Variants in ACOXL observed in about 807,000 individuals in gnomAD.
ACOXL encodes the protein acyl-coenzyme A oxidase-like protein.
ACOXL carries 70 observed loss-of-function variants against 71.9 expected under a neutral mutation model. That is an observed-to-expected ratio of 0.97 (90% CI 0.80 to 1.19). ACOXL has a LOEUF of 1.19. ACOXL is among the 50% of genes most tolerant of loss of function. ACOXL has a pLI of 0.00. For missense variants in ACOXL, 703 were observed against 736.3 expected (o/e 0.95, Z 0.52); for synonymous variants, 253 against 281.6 (o/e 0.90, Z 1.02).
In ACOXL at chr2:111,058,411, A is replaced by G. The variant is rs138694454; in HGVS notation, c.1440+9123A>G. 5.9e-3 allele frequency among the ~76,000 whole-genome samples: 904 copies of G among 152,306 alleles called. 1 individual carries two copies. Among genetic ancestry groups the G allele is most frequent in the Non-Finnish European group, 9.2e-3 (629 of 68,020 alleles). ...TCAGCACACAGTGAGGGGGATGTAA[A>G]CACTAAAGTTATATGGGAAGTCACG... On this transcript the variant is annotated intron_variant, in intron 16 of 17. Transcript: ENST00000439055.
chr2:110,953,948 C>T (rs968077574), intron 12 of ACOXL, among the ~76,000 whole-genome samples: 9 of 152,178 alleles, frequency 5.9e-5, no homozygotes, highest in African/African-American at 2.2e-4. Flanking sequence ...CCCACCAGAC[C>T]GCTGCTCCAG....
Position 110,764,785 on chromosome 2 carries a change from A to G in ACOXL, c.-22-3583A>G, listed in dbSNP as rs191178496. On this transcript the variant is annotated intron_variant, in intron 1 of 17. Transcript: ENST00000439055. Reference sequence around the variant, plus strand: ...GGGAAATCTCTGTATCTTTTAATCAATTTTGCAGTGGGCCTAAAACTGCTC... The same window carrying G: ...GGGAAATCTCTGTATCTTTTAATCAGTTTTGCAGTGGGCCTAAAACTGCTC... 1.3e-3 allele frequency among the ~76,000 whole-genome samples: 197 copies of G among 152,292 alleles called. 3 individuals are homozygous for G. Among genetic ancestry groups the G allele is most frequent in the African/African-American group, 3.6e-3 (151 of 41,564 alleles).
intron 10 of ACOXL, among the ~76,000 whole-genome samples, chr2:110,866,079 G>A (rs1443073338): frequency 2.0e-5 from 3 of 152,182 alleles, no homozygotes; most frequent in African/African-American, 4.8e-5. Flanking sequence ...TTCGGAAGGC[G>A]GGGAGGTCAG....
At chr2:110,894,332 CAAA>C (rs11403220) in intron 10 of ACOXL, among the ~76,000 whole-genome samples, 3 of 120,600 alleles carry the variant, frequency 2.5e-5, no homozygotes, top group East Asian at 2.4e-4. Flanking sequence ...AGGAACAGAC[CAAA>C]AAAAAAAAAA....
chr2:111,024,595 G>GT (rs1315204362), intron 14 of ACOXL, among the ~76,000 whole-genome samples: 1 of 152,158 alleles, frequency 6.6e-6, no homozygotes, highest in Non-Finnish European at 1.5e-5. Context: ...TAGGATTGTG[G>GT]TAAGGAGTTA....
chr2:111,049,627 C>G (rs889176673), intron 16 of ACOXL, among the ~76,000 whole-genome samples: 1 of 152,166 alleles, frequency 6.6e-6, no homozygotes, highest in Admixed American at 6.5e-5. Flanking sequence ...ACATCTCCCA[C>G]TATATTTTTA....
intron 16 of ACOXL, among the ~76,000 whole-genome samples, chr2:111,076,147 G>T (rs1258814767): frequency 1.3e-5 from 2 of 152,092 alleles, no homozygotes; most frequent in Admixed American, 1.3e-4. Context: ...TCAGCATTCT[G>T]TCTATCGACT....
intron 15 of ACOXL, among the ~76,000 whole-genome samples, chr2:111,036,323 TGAGGGAGGGAGGAAGG>T: frequency 6.6e-6 from 1 of 152,098 alleles, no homozygotes; most frequent in South Asian, 2.1e-4. Context: ...ACAAGTGGCC[TGAGGGAGGGAGGAAGG>T]GAGGGAGGTA....
At chr2:110,833,811 A>G (rs1044994012) in intron 9 of ACOXL, among the ~76,000 whole-genome samples, 2 of 152,124 alleles carry the variant, frequency 1.3e-5, no homozygotes, top group Non-Finnish European at 2.9e-5. Flanking sequence ...TAAGAATTTG[A>G]TCGAGGAAAA....
chr2:111,069,148 T>TC (rs1336779630), intron 16 of ACOXL, among the ~76,000 whole-genome samples: 9 of 150,310 alleles, frequency 6.0e-5, no homozygotes, highest in Non-Finnish European at 8.9e-5. Flanking sequence ...TCTTTTTCTT[T>TC]TTTTTTTTTT....
chr2:110,958,135 G>T (rs569785618), intron 12 of ACOXL, among the ~76,000 whole-genome samples: 1 of 150,902 alleles, frequency 6.6e-6, no homozygotes, highest in Non-Finnish European at 1.5e-5. Context: ...GCATACACAC[G>T]CACACACACA....
intron 10 of ACOXL, among the ~76,000 whole-genome samples, chr2:110,868,710 T>C (rs1694914742): frequency 6.6e-6 from 1 of 152,080 alleles, no homozygotes; most frequent in Admixed American, 6.5e-5. Flanking sequence ...CACCTCAGCC[T>C]CCCGAGTAGC....
At chr2:110,866,001 A>C (rs1260305312) in intron 10 of ACOXL, among the ~76,000 whole-genome samples, 1 of 151,936 alleles carries the variant, frequency 6.6e-6, no homozygotes, top group Non-Finnish European at 1.5e-5. Context: ...AATAAAATAC[A>C]CTTTTATTTC....
intron 11 of ACOXL, among the ~76,000 whole-genome samples, chr2:110,918,851 A>G (rs1198448161): frequency 6.6e-6 from 1 of 152,216 alleles, no homozygotes; most frequent in Admixed American, 6.5e-5. Flanking sequence ...AACCACAATG[A>G]GATACCATCT....
At chr2:110,933,442 C>G (rs2060551316) in intron 11 of ACOXL, 47 bp from the exon 12 acceptor site, 4 of 1,588,776 alleles carry the variant, frequency 2.5e-6, no homozygotes, top group South Asian at 1.1e-5. Flanking sequence ...CACACATGTG[C>G]TGACTGCACC....
chr2:110,945,109 C>A (rs2061045715), intron 12 of ACOXL, among the ~76,000 whole-genome samples: 1 of 152,182 alleles, frequency 6.6e-6, no homozygotes, highest in Non-Finnish European at 1.5e-5. Flanking sequence ...TGATGTTGAG[C>A]ATTTTTTCAT....
In ACOXL at chr2:110,801,787, GCTTGGGT is replaced by G; in HGVS notation, c.620+73_620+79del. 2.0e-6 allele frequency: 3 copies of G among 1,499,470 alleles called. No homozygotes were observed. In the Admixed American group the frequency reaches 5.0e-5, roughly 25 times the overall value. The allele number at this position is 1,499,470 out of a possible 1,614,324, so 92.9% of individuals were successfully genotyped here. ...ATGATCTCACTGCTCTCCAAAGTTGGCTTGGGTCTTGGGTCTCATGGGCTGCATGTCT... is the reference window on the plus strand; with the variant it reads ...ATGATCTCACTGCTCTCCAAAGTTGGCTTGGGTCTCATGGGCTGCATGTCT... On this transcript the variant is annotated intron_variant, in intron 8 of 17. Transcript: ENST00000439055.
intron 11 of ACOXL, among the ~76,000 whole-genome samples, chr2:110,925,880 A>G (rs1187451297): frequency 8.0e-6 from 1 of 124,950 alleles, no homozygotes; most frequent in Non-Finnish European, 1.7e-5. Flanking sequence ...TTTTTAAAGC[A>G]TTTCTAGCTT....
chr2:111,022,332 T>A (rs964652734), intron 14 of ACOXL, among the ~76,000 whole-genome samples: 1 of 151,436 alleles, frequency 6.6e-6, no homozygotes, highest in South Asian at 2.1e-4. Flanking sequence ...TCCACTGCAC[T>A]CCAGCCTAGG....
Sources: allele counts gnomAD v4.1 joint callset (sites outside exome capture counted in the v4.1 genomes callset), GRCh38; gene constraint gnomAD v4.1.1; transcripts MANE v1.5; gene names NCBI Gene and HGNC (gene_info 2026-07-23, HGNC 2026-07-21).